Variants in SLC4A10 observed in about 807,000 individuals in gnomAD.
SLC4A10 encodes the protein solute carrier family 4 member 10.
A neutral mutation model predicts 137.7 loss-of-function variants in SLC4A10; 42 were observed. The observed-to-expected ratio is 0.30, with a 90% CI of 0.24 to 0.39. The LOEUF (loss-of-function observed/expected upper bound fraction) is 0.39. Among genes scored for constraint, SLC4A10 ranks in the 10% least tolerant of loss-of-function variants. SLC4A10 has a pLI of 1.00. For synonymous variants in SLC4A10, 474 were observed against 464.1 expected, an observed-to-expected ratio of 1.02 and a Z score of -0.27; for missense variants, 925 against 1,355.0, an observed-to-expected ratio of 0.68 and a Z score of 4.98.
intron 15 of SLC4A10, among the ~76,000 whole-genome samples, chr2:161,936,470 T>C (rs1440107465): frequency 6.6e-6 from 1 of 152,178 alleles, no homozygotes; most frequent in East Asian, 1.9e-4. Context: ...TTACTTATTA[T>C]TGGTCTGTTC....
chr2:161,873,862 G>T, intron 7 of SLC4A10, 54 bp from the exon 8 acceptor site: 1 of 1,533,856 alleles, frequency 6.5e-7, no homozygotes, highest in East Asian at 2.4e-5. Context: ...GTGCCTGGCG[G>T]AGTCTCCGTG....
chr2:161,652,859 C>CTTT (rs10692553), intron 1 of SLC4A10, among the ~76,000 whole-genome samples: 1 of 150,900 alleles, frequency 6.6e-6, no homozygotes, highest in Admixed American at 6.6e-5. Context: ...ACATTCTTTT[C>CTTT]TTTTAAGTAT....
intron 1 of SLC4A10, among the ~76,000 whole-genome samples, chr2:161,721,660 G>A (rs139364674): frequency 2.7e-3 from 407 of 152,142 alleles, no homozygotes; most frequent in Admixed American, 6.0e-3. Flanking sequence ...ATGACTATAT[G>A]TCTTGGGGTT....
intron 1 of SLC4A10, among the ~76,000 whole-genome samples, chr2:161,721,499 G>A (rs183941186): frequency 6.6e-6 from 1 of 152,318 alleles, no homozygotes; most frequent in East Asian, 1.9e-4. Context: ...CTTTAAGACT[G>A]TTGAATATTG....
At chr2:161,804,706 A>G (rs1330788834) in intron 3 of SLC4A10, 111 bp downstream of exon 3, 2 of 1,054,566 alleles carry the variant, frequency 1.9e-6, no homozygotes, top group South Asian at 3.1e-5. Context: ...ATACTTTTAT[A>G]AAAGACTTTG....
chr2:161,899,269 C>G (rs1014440947), intron 11 of SLC4A10, among the ~76,000 whole-genome samples: 1 of 151,916 alleles, frequency 6.6e-6, no homozygotes, highest in South Asian at 2.1e-4. Flanking sequence ...ATTAAATTTA[C>G]CAATCTTAAA....
intron 1 of SLC4A10, among the ~76,000 whole-genome samples, chr2:161,720,566 A>T (rs988675723): frequency 6.6e-6 from 1 of 152,112 alleles, no homozygotes; most frequent in African/African-American, 2.4e-5. Flanking sequence ...GTGCTCCTGT[A>T]TTGGGAGCAT....
chr2:161,917,514 C>T (rs562452260), intron 15 of SLC4A10, among the ~76,000 whole-genome samples: 126 of 149,464 alleles, frequency 8.4e-4, no homozygotes, highest in African/African-American at 3.1e-3. Context: ...GTGGAGGCTG[C>T]AGTGAGCTGT....
Position 161,983,357 on chromosome 2 carries a change from A to G in SLC4A10, c.*205A>G. ...TGTCCCTCAACCCAAATCCACCTTC[A>G]TACTGTAAGTAGTGCAATACTTGTT... On this transcript the variant is annotated 3_prime_UTR_variant, in exon 27 of 27. Coordinates refer to ENST00000446997, the MANE Select transcript of SLC4A10 (RefSeq NM_001178015.2). 1.1e-6 allele frequency: 1 copy of G among 904,680 alleles called. No homozygotes were observed. Among genetic ancestry groups the G allele is most frequent in the South Asian group, 1.6e-5 (1 of 61,988 alleles). 56.0% of individuals were successfully genotyped at this position (904,680 alleles called of 1,614,324 possible). A position where few individuals can be genotyped will look rare whatever the true frequency, so the allele number is the denominator to read the frequency against.
chr2:161,872,076 A>C (rs1419528260), intron 6 of SLC4A10, among the ~76,000 whole-genome samples: 2 of 152,100 alleles, frequency 1.3e-5, no homozygotes, highest in Non-Finnish European at 2.9e-5. Context: ...TTATCTGAAA[A>C]TATGTTTATT....
chr2:161,720,428 T>G (rs1343735133), intron 1 of SLC4A10, among the ~76,000 whole-genome samples: 1 of 152,206 alleles, frequency 6.6e-6, no homozygotes, highest in Non-Finnish European at 1.5e-5. Flanking sequence ...TCCAATTCTG[T>G]GAAGAAAGTC....
At chr2:161,947,792 T>G in intron 17 of SLC4A10, 65 bp downstream of exon 17, 1 of 1,523,854 alleles carries the variant, frequency 6.6e-7, no homozygotes, top group Non-Finnish European at 8.8e-7. Context: ...GTAATTGATG[T>G]AATAAAAGGA....
intron 19 of SLC4A10, 64 bp from the exon 20 acceptor site, chr2:161,956,925 T>A: frequency 6.8e-7 from 1 of 1,475,546 alleles, no homozygotes; most frequent in South Asian, 1.4e-5. Flanking sequence ...CTATTCGCAA[T>A]CAGGCCACCC....
rs73003426 is a variant in SLC4A10, at chr2:161,718,245, C to T, written c.49-52728C>T. 6.3e-3 allele frequency among the ~76,000 whole-genome samples: 956 copies of T among 152,016 alleles called. 7 individuals are homozygous for T. The highest frequency in any genetic ancestry group is 0.022 in the African/African-American group (908 of 41,466). ...TTTATTAATTTTTTAAAAAAATCAC[C>T]TCCTGGATTCGTTGATTTTTTGAAG... On this transcript the variant is annotated intron_variant, in intron 1 of 26. Transcript: ENST00000446997.
chr2:161,848,214 T>G (rs896854622), intron 4 of SLC4A10, among the ~76,000 whole-genome samples: 10 of 152,296 alleles, frequency 6.6e-5, no homozygotes, highest in Non-Finnish European at 1.3e-4. Flanking sequence ...TTTTGCCCAC[T>G]TTTTAAATAG....
chr2:161,818,413 A>G (rs1383676138), intron 3 of SLC4A10, among the ~76,000 whole-genome samples: 1 of 152,240 alleles, frequency 6.6e-6, no homozygotes, highest in African/African-American at 2.4e-5. Context: ...ATATACAATC[A>G]TGTCATCTGC....
intron 1 of SLC4A10, among the ~76,000 whole-genome samples, chr2:161,727,886 C>G (rs2046399756): frequency 6.6e-6 from 1 of 152,038 alleles, no homozygotes; most frequent in Non-Finnish European, 1.5e-5. Context: ...AAAGAGCTCA[C>G]CAAATGCACA....
At chr2:161,866,249 C>A (rs1484500179) in intron 6 of SLC4A10, among the ~76,000 whole-genome samples, 1 of 151,974 alleles carries the variant, frequency 6.6e-6, no homozygotes, top group Non-Finnish European at 1.5e-5. Flanking sequence ...GTATTTCAAA[C>A]GGGGTCTTCC....
chr2:161,897,888 G>A (rs1267688763), intron 11 of SLC4A10, among the ~76,000 whole-genome samples: 1 of 152,092 alleles, frequency 6.6e-6, no homozygotes, highest in African/African-American at 2.4e-5. Context: ...AAAATTCACT[G>A]TAATACCCAT....
Sources: gnomAD v4.1 joint callset for allele counts (sites outside exome capture counted in the v4.1 genomes callset) on GRCh38, gnomAD v4.1.1 for gene constraint, MANE v1.5 for transcripts, NCBI Gene and HGNC (gene_info 2026-07-23, HGNC 2026-07-21) for gene names.